The following NELL1 variants were observed in gnomAD, a reference collection of about 807,000 sequenced individuals.
The protein encoded by NELL1 is protein kinase C-binding protein NELL1.
Under a neutral mutation model 107.4 loss-of-function variants are expected in NELL1, and 76 were observed. That is an observed-to-expected ratio of 0.71 (90% CI 0.59 to 0.86). The LOEUF (loss-of-function observed/expected upper bound fraction) is 0.86. Among genes scored for constraint, NELL1 ranks in the 40% least tolerant of loss-of-function variants. The pLI is 0.00. For synonymous variants in NELL1, 353 were observed against 341.2 expected, an observed-to-expected ratio of 1.03 and a Z score of -0.38; for missense variants, 1,024 against 1,005.5, an observed-to-expected ratio of 1.02 and a Z score of -0.25.
chr11:21,046,017 T>C (rs1466465494), intron 12 of NELL1, among the ~76,000 whole-genome samples: 1 of 152,198 alleles, frequency 6.6e-6, no homozygotes, highest in Non-Finnish European at 1.5e-5. Context: ...ATTGCAGGCA[T>C]TTAAGGATGC....
At chr11:20,692,667 C>T (rs942966982) in intron 2 of NELL1, among the ~76,000 whole-genome samples, 1 of 151,892 alleles carries the variant, frequency 6.6e-6, no homozygotes, top group Non-Finnish European at 1.5e-5. Context: ...GTTATAGTTT[C>T]TGTTCTTTTA....
chr11:21,441,382 T>TGTGTGTGTG, intron 15 of NELL1, among the ~76,000 whole-genome samples: 1 of 142,696 alleles, frequency 7.0e-6, no homozygotes, highest in African/African-American at 2.6e-5. Flanking sequence ...TGTGTGTGTG[T>TGTGTGTGTG]TCTATGATAT....
chr11:21,084,526 A>T (rs1854344193), intron 12 of NELL1, among the ~76,000 whole-genome samples: 1 of 152,138 alleles, frequency 6.6e-6, no homozygotes, highest in Admixed American at 6.5e-5. Context: ...TAGGTCAGAG[A>T]TGAGAGTCTC....
At chr11:21,182,011 A>G (rs1431199194) in intron 13 of NELL1, among the ~76,000 whole-genome samples, 1 of 151,912 alleles carries the variant, frequency 6.6e-6, no homozygotes, top group African/African-American at 2.4e-5. Context: ...TATTATCCCA[A>G]TGTAATAGAT....
intron 16 of NELL1, among the ~76,000 whole-genome samples, chr11:21,535,967 CAT>C (rs748233479): frequency 6.6e-6 from 1 of 152,064 alleles, no homozygotes; most frequent in Non-Finnish European, 1.5e-5. Flanking sequence ...GGAATATTAA[CAT>C]ATGACATTAA....
At chr11:21,372,688 G>A (rs944464380) in intron 15 of NELL1, among the ~76,000 whole-genome samples, 9 of 151,430 alleles carry the variant, frequency 5.9e-5, no homozygotes, top group Non-Finnish European at 1.3e-4. Flanking sequence ...GGAATATCAG[G>A]GGGTGGTTTC....
At chr11:21,324,492 A>G (rs557869676) in intron 14 of NELL1, among the ~76,000 whole-genome samples, 2 of 152,094 alleles carry the variant, frequency 1.3e-5, no homozygotes, top group Non-Finnish European at 2.9e-5. Context: ...TTCTTCAGAT[A>G]CTGTGATGCT....
intron 13 of NELL1, among the ~76,000 whole-genome samples, chr11:21,120,276 T>C (rs1590655523): frequency 1.3e-5 from 2 of 152,152 alleles, no homozygotes; most frequent in African/African-American, 4.8e-5. Flanking sequence ...TCAGGCTAGG[T>C]CTCTGGAATA....
chr11:20,720,825 C>A (rs542106741), intron 2 of NELL1, among the ~76,000 whole-genome samples: 16 of 152,244 alleles, frequency 1.1e-4, no homozygotes, highest in African/African-American at 2.9e-4. Context: ...CTACCAACCT[C>A]ATTTTAGCTT....
chr11:21,008,072 T>A (rs71488770), intron 12 of NELL1, among the ~76,000 whole-genome samples: 6,209 of 152,190 alleles, frequency 0.041, 187 homozygotes, highest in Middle Eastern at 0.12. Context: ...TGAAGTAACT[T>A]GCCTTTAACT....
chr11:21,168,321 C>CT (rs144724949), intron 13 of NELL1, among the ~76,000 whole-genome samples: 11,275 of 150,388 alleles, frequency 0.075, 568 homozygotes, highest in East Asian at 0.2. Context: ...AATGCTCTTC[C>CT]TTTTTTTTTA....
At chr11:20,904,434 AAC>A (rs1849947916) in intron 5 of NELL1, among the ~76,000 whole-genome samples, 1 of 152,306 alleles carries the variant, frequency 6.6e-6, no homozygotes, top group East Asian at 1.9e-4. Context: ...AATTTAAGAA[AAC>A]ATTTCAAATC....
chr11:20,920,970 C>A (rs947824009), intron 7 of NELL1, among the ~76,000 whole-genome samples: 1 of 152,008 alleles, frequency 6.6e-6, no homozygotes, highest in Admixed American at 6.6e-5. Context: ...TATAGAATTA[C>A]AATTTGAAAA....
intron 13 of NELL1, among the ~76,000 whole-genome samples, chr11:21,140,671 TATC>T (rs1335934680): frequency 1.3e-5 from 2 of 152,188 alleles, no homozygotes; most frequent in African/African-American, 2.4e-5. Context: ...GTTTAGGTCA[TATC>T]ATAAAAAAGA....
chr11:21,376,066 T>C (rs1187889597), intron 15 of NELL1, among the ~76,000 whole-genome samples: 1 of 152,150 alleles, frequency 6.6e-6, no homozygotes, highest in African/African-American at 2.4e-5. Context: ...GTCCTACTTG[T>C]CAATTTTTGT....
In NELL1 at chr11:21,575,113, T is replaced by G; in HGVS notation, c.*91T>G. The stretch of plus-strand genomic sequence containing the variant: ...GAATCGGTAGTTTGGTTTTTTTGTT[T>G]GTTTTGTTTTTTTAACCACAGATAA... On this transcript the variant is annotated 3_prime_UTR_variant, in exon 20 of 20. Transcript: ENST00000357134. 1 of 1,235,222 alleles carries G rather than the reference T, an allele frequency of 8.1e-7. No homozygotes were observed. Among genetic ancestry groups the G allele is most frequent in the Non-Finnish European group, 1.2e-6 (1 of 847,908 alleles). 76.5% of individuals were successfully genotyped at this position (1,235,222 alleles called of 1,614,324 possible).
At chr11:21,541,136 T>TATC (rs1554931709) in intron 16 of NELL1, among the ~76,000 whole-genome samples, 3 of 152,134 alleles carry the variant, frequency 2.0e-5, no homozygotes, top group South Asian at 4.1e-4. Flanking sequence ...TATTTTTACC[T>TATC]ATCATATAAA....
At chr11:20,730,516 G>C (rs1196471616) in intron 2 of NELL1, among the ~76,000 whole-genome samples, 1 of 152,122 alleles carries the variant, frequency 6.6e-6, no homozygotes. Context: ...TGGCAGAATC[G>C]GTACTTGAAC....
intron 16 of NELL1, among the ~76,000 whole-genome samples, chr11:21,551,518 C>CA (rs1856583072): frequency 6.6e-6 from 1 of 151,206 alleles, no homozygotes; most frequent in African/African-American, 2.4e-5. Context: ...TTTATGCAGC[C>CA]AAAAAACACA....
Sources: allele counts gnomAD v4.1 joint callset (sites outside exome capture counted in the v4.1 genomes callset), GRCh38; gene constraint gnomAD v4.1.1; transcripts MANE v1.5; gene names NCBI Gene and HGNC (gene_info 2026-07-23, HGNC 2026-07-21).